The following REC114 variants were observed in gnomAD, a reference collection of about 807,000 sequenced individuals.
The protein encoded by REC114 is meiotic recombination protein REC114.
A neutral mutation model predicts 31.3 loss-of-function variants in REC114; 27 were observed. That is an observed-to-expected ratio of 0.86 (90% confidence interval 0.64 to 1.19). REC114 has a LOEUF of 1.19. Ranked by LOEUF, REC114 falls within the 50% of genes most tolerant of loss-of-function variation. The probability of loss-of-function intolerance (pLI) is 0.00; values close to 1 mark genes in which losing one functional copy is unlikely to be tolerated. For missense variants in REC114, 344 were observed against 326.9 expected, an observed-to-expected ratio of 1.05 and a Z score of -0.40; for synonymous variants, 134 against 127.7, an observed-to-expected ratio of 1.05 and a Z score of -0.33.
At chr15:73,513,918 C>A (rs1893816688) in intron 2 of REC114, among the ~76,000 whole-genome samples, 1 of 152,044 alleles carries the variant, frequency 6.6e-6, no homozygotes, top group South Asian at 2.1e-4. Flanking sequence ...GCCCTGCCCC[C>A]AGAGGTGAAG....
chr15:73,513,030 T>G (rs1461086500), intron 2 of REC114, among the ~76,000 whole-genome samples: 3 of 151,416 alleles, frequency 2.0e-5, no homozygotes, highest in African/African-American at 7.3e-5. Flanking sequence ...GATAATATCC[T>G]ACAGAGTGTT....
chr15:73,552,706 C>G (rs1894409114), intron 4 of REC114, among the ~76,000 whole-genome samples: 1 of 152,186 alleles, frequency 6.6e-6, no homozygotes, highest in African/African-American at 2.4e-5. Flanking sequence ...TACTTTCAAG[C>G]TGGGTTTTGC....
rs117066672 is a variant in REC114, at chr15:73,473,557, C to T, written c.160-275C>T. On this transcript the variant is annotated intron_variant, in intron 1 of 5. Transcript: ENST00000331090. ...AAATGTAACTAAAAAGTGGTTGGCT[C>T]AGGACCCACAACTCATGATTCTTAA... Among the ~76,000 whole-genome samples, 445 of 152,224 alleles carry T rather than the reference C, an allele frequency of 2.9e-3. 17 individuals carry two copies. The South Asian group carries it at 0.051, about 18-fold the overall frequency.
intron 3 of REC114, among the ~76,000 whole-genome samples, chr15:73,542,330 CAAAAAAAAAA>C (rs749245201): frequency 2.0e-5 from 1 of 49,858 alleles, no homozygotes; most frequent in Non-Finnish European, 4.4e-5. Flanking sequence ...GACTCTGTCT[CAAAAAAAAAA>C]AAAGAAAAAA....
Position 73,450,552 on chromosome 15 carries a change from C to T in REC114, c.159+7208C>T, listed in dbSNP as rs563383257. ...ATAATAGTGGGAGACTTTAACACCC[C>T]ACTGTCAATATTAGACAGATCAATG... is the stretch of plus-strand genomic sequence containing the variant. On this transcript the variant is annotated intron_variant, in intron 1 of 5. Coordinates refer to ENST00000331090, the MANE Select transcript of REC114 (RefSeq NM_001042367.2). Among the ~76,000 whole-genome samples, 13 of 152,240 alleles carry T rather than the reference C, an allele frequency of 8.5e-5. No individual in the cohort carries two copies. In the South Asian group the frequency reaches 2.7e-3, roughly 32 times the overall value.
intron 1 of REC114, among the ~76,000 whole-genome samples, chr15:73,460,448 A>G (rs1892974693): frequency 6.6e-6 from 1 of 152,184 alleles, no homozygotes; most frequent in Non-Finnish European, 1.5e-5. Flanking sequence ...GTACCTGCTT[A>G]TTTCAATATA....
chr15:73,446,963 A>C (rs1892772634), intron 1 of REC114, among the ~76,000 whole-genome samples: 3 of 152,202 alleles, frequency 2.0e-5, no homozygotes, highest in African/African-American at 7.2e-5. Context: ...TGTTATAGGC[A>C]AGAGATGATG....
rs143999647 is a variant in REC114, at chr15:73,464,730, C to T, written c.160-9102C>T. On this transcript the variant is annotated intron_variant, in intron 1 of 5. Coordinates refer to ENST00000331090, the MANE Select transcript of REC114 (RefSeq NM_001042367.2). ...CATGAGGTCCACCAATTTCTAGGGACTAGGCTCTCTCACAAGAACTGCAGC... is the reference window on the plus strand; with the variant it reads ...CATGAGGTCCACCAATTTCTAGGGATTAGGCTCTCTCACAAGAACTGCAGC... Among the ~76,000 whole-genome samples, 237 of 152,288 alleles carry T rather than the reference C, an allele frequency of 1.6e-3. 1 individual carries two copies. Among genetic ancestry groups the T allele is most frequent in the African/African-American group, 5.4e-3 (225 of 41,566 alleles).
At chr15:73,448,989 A>G (rs1026942921) in intron 1 of REC114, among the ~76,000 whole-genome samples, 6 of 152,194 alleles carry the variant, frequency 3.9e-5, no homozygotes, top group African/African-American at 1.4e-4. Context: ...CCCCACCCAA[A>G]GGTCACCAAC....
intron 2 of REC114, among the ~76,000 whole-genome samples, chr15:73,515,460 AC>A (rs1435261740): frequency 6.6e-6 from 1 of 151,960 alleles, no homozygotes; most frequent in Non-Finnish European, 1.5e-5. Context: ...TTGGCAGACA[AC>A]TCTTGTGGGC....
intron 1 of REC114, among the ~76,000 whole-genome samples, chr15:73,467,665 T>C (rs574651534): frequency 6.6e-6 from 1 of 152,348 alleles, no homozygotes; most frequent in Non-Finnish European, 1.5e-5. Context: ...CTTTGGACTC[T>C]TGCATTTCTT....
chr15:73,519,755 CA>C (rs1342157810), intron 2 of REC114, among the ~76,000 whole-genome samples: 1 of 152,164 alleles, frequency 6.6e-6, no homozygotes, highest in African/African-American at 2.4e-5. Flanking sequence ...AATGAGTAAA[CA>C]AAATGTGGTA....
chr15:73,542,352 A>G (rs1003246455), intron 3 of REC114, among the ~76,000 whole-genome samples: 1 of 151,754 alleles, frequency 6.6e-6, no homozygotes, highest in African/African-American at 2.4e-5. Context: ...AAGAAAAAAA[A>G]AAAGAAAAAA....
At chr15:73,505,439 G>A (rs1172975016) in intron 2 of REC114, among the ~76,000 whole-genome samples, 3 of 151,988 alleles carry the variant, frequency 2.0e-5, no homozygotes, top group African/African-American at 7.3e-5. Flanking sequence ...CATCCCTTTG[G>A]CACAAGCTAG....
intron 1 of REC114, among the ~76,000 whole-genome samples, chr15:73,460,561 G>A (rs1479245316): frequency 6.6e-6 from 1 of 152,148 alleles, no homozygotes; most frequent in Admixed American, 6.5e-5. Context: ...GAACTGTTAT[G>A]AGCTTAAGTG....
intron 2 of REC114, among the ~76,000 whole-genome samples, chr15:73,524,114 C>G (rs1167410710): frequency 2.0e-5 from 3 of 152,082 alleles, no homozygotes; most frequent in Middle Eastern, 3.2e-3. Flanking sequence ...CATGTCTGAA[C>G]AGGATCTAAT....
chr15:73,540,545 CTGT>C lies in REC114; in HGVS notation c.315_317del (p.Leu105del), dbSNP rs747595449. The C allele has an allele frequency of 2.5e-6, 4 of 1,613,704 alleles. No homozygotes were observed. In the African/African-American group the frequency reaches 4.0e-5, roughly 16 times the overall value. On this transcript the variant is annotated inframe_deletion, in exon 3 of 6. Transcript: ENST00000331090. ...GAAGATTGTAAGACGCGTGGATTGT[CTGT>C]TGTTTGGAACAACGATAAAGGCAAG... is the stretch of plus-strand genomic sequence containing the variant.
chr15:73,516,032 G>C (rs1396907120), intron 2 of REC114, among the ~76,000 whole-genome samples: 1 of 151,520 alleles, frequency 6.6e-6, no homozygotes, highest in East Asian at 1.9e-4. Context: ...TGTCACCCAG[G>C]CTGGAGTGCA....
intron 1 of REC114, among the ~76,000 whole-genome samples, chr15:73,462,544 TAGAC>T (rs375517243): frequency 2.0e-5 from 3 of 152,068 alleles, no homozygotes; most frequent in African/African-American, 7.2e-5. Context: ...TAATCAAAGG[TAGAC>T]AGAATAATAT....
Sources: allele counts gnomAD v4.1 joint callset (sites outside exome capture counted in the v4.1 genomes callset), GRCh38; gene constraint gnomAD v4.1.1; transcripts MANE v1.5; gene names NCBI Gene and HGNC (gene_info 2026-07-23, HGNC 2026-07-21).